CSPG5: variants seen among roughly 807,000 people sequenced by gnomAD.
CSPG5 encodes the protein acidic leucine-rich EGF-like domain-containing brain protein.
A neutral mutation model predicts 39.8 loss-of-function variants in CSPG5; 25 were observed. That is an observed-to-expected ratio of 0.63 (90% CI 0.46 to 0.88). The LOEUF is 0.88. Ranked by LOEUF, CSPG5 falls within the 40% of genes least tolerant of loss-of-function variation. CSPG5 has a pLI of 0.00. For missense variants in CSPG5, 627 were observed against 702.2 expected (o/e 0.89, Z 1.21); for synonymous variants, 295 against 303.9 (o/e 0.97, Z 0.31).
chr3:47,577,164 C>A lies in CSPG5; in HGVS notation c.862G>T (p.Ala288Ser). ...TCTTCTAGGTCTCCACCTCCTACTG[C>A]ATCTTTGTCATCCTCCTCTTCCTCC... ...EEEEEEDDKD[A>S]VGGGDLEDEN... Residue 288 changes from alanine (A) to serine (S), a missense_variant, in exon 2 of 5, where the codon GCA becomes TCA. Ala to Ser is a moderately conservative substitution (Grantham distance 99, BLOSUM62 1). Coordinates refer to ENST00000264723, the MANE Select transcript of CSPG5 (RefSeq NM_006574.4). This position sits in a 1 kb window ranked among gnomAD's most constrained non-coding sequence, Gnocchi z 4.7. The A allele has an allele frequency of 1.9e-6, 3 of 1,611,870 alleles. No homozygotes were observed. In the South Asian group the frequency reaches 3.3e-5, roughly 18 times the overall value.
At chr3:47,574,074 A>G (rs2031619910) in intron 2 of CSPG5, among the ~76,000 whole-genome samples, 1 of 152,138 alleles carries the variant, frequency 6.6e-6, no homozygotes, top group Non-Finnish European at 1.5e-5. Flanking sequence ...CAGCCAGGGG[A>G]GGAATCTGGT....
In CSPG5 at chr3:47,572,917, G is replaced by C. The variant is rs1163805387; in HGVS notation, c.1194-43C>G. The stretch of plus-strand genomic sequence containing the variant: ...AGAAACCGTGGCGATGGAGCAGGCA[G>C]CCACGGCCACAGTAAGGGCCTGGGC... On this transcript the variant is annotated intron_variant, in intron 2 of 4. Transcript: ENST00000264723. This position sits in a 1 kb window ranked among gnomAD's most constrained non-coding sequence, Gnocchi z 4.5. 6 of 1,574,732 alleles carry C rather than the reference G, an allele frequency of 3.8e-6. No individual in the cohort carries two copies. The Admixed American group carries it at 7.0e-5, about 18-fold the overall frequency.
chr3:47,562,649 C>T lies in CSPG5; in HGVS notation c.1571G>A (p.Gly524Asp), dbSNP rs779949815. The change falls in exon 5 of 5, where the codon GGT becomes GAT. Residue 524 changes from glycine (G) to aspartate (D), a missense_variant. By Grantham distance (94) the Gly-to-Asp change is moderately conservative. Transcript: ENST00000264723. ...SMSPKLEGGK[G>D]DQADLDVNCL... is the part of the protein sequence containing the mutation. ...GTTCACATCCAAGTCAGCCTGGTCA[C>T]CTTTGCCACCCTCAAGTTTGGGCGA... 2 of 1,613,940 alleles carry T rather than the reference C, an allele frequency of 1.2e-6. No individual in the cohort carries two copies. The highest frequency in any genetic ancestry group is 2.2e-5 in the South Asian group (2 of 91,070).
At chr3:47,567,001 A>C (rs2031327393) in intron 4 of CSPG5, among the ~76,000 whole-genome samples, 1 of 152,224 alleles carries the variant, frequency 6.6e-6, no homozygotes, top group African/African-American at 2.4e-5. Context: ...CAGGTACAAA[A>C]GCCTCACTTT....
At position 47,577,518 on chromosome 3, in the gene CSPG5, C is replaced by T. The variant is rs1195017552; in HGVS notation, c.508G>A (p.Glu170Lys). Residue 170 changes from glutamate to lysine, a missense_variant, in exon 2 of 5, where the codon GAG becomes AAG. Glu to Lys is a moderately conservative substitution (Grantham distance 56). Transcript: ENST00000264723. This position sits in a 1 kb window ranked among gnomAD's most constrained non-coding sequence, Gnocchi z 4.7. ...TTCAGCCAAACCTCCAAGGGGCTCT[C>T]CTTGGGGAGTTCAGAAGCTGGGCTC... ...KLSPASELPK[E>K]SPLEVWLNLG... The T allele has an allele frequency of 6.2e-7, 1 of 1,612,438 alleles. No individual in the cohort carries two copies. The highest frequency in any genetic ancestry group is 1.3e-5 in the African/African-American group (1 of 74,910).
Position 47,577,137 on chromosome 3 carries a change from C to T in CSPG5, c.889G>A (p.Glu297Lys), listed in dbSNP as rs2031778519. Residue 297 changes from glutamate to lysine, a missense_variant, in exon 2 of 5, where the codon GAA becomes AAA. By Grantham distance (56) the Glu-to-Lys change is moderately conservative. Transcript: ENST00000264723. The surrounding 1 kb of genome is among the most constrained non-coding windows in gnomAD (Gnocchi z 4.7). ...CCAGTGGGCACTAGAAGCTCATTTT[C>T]ATCTTCTAGGTCTCCACCTCCTACT... ...DAVGGGDLED[E>K]NELLVPTGKP... 2 of 1,613,796 alleles carry T rather than the reference C, an allele frequency of 1.2e-6. No homozygotes were observed. Among genetic ancestry groups the T allele is most frequent in the Non-Finnish European group, 1.7e-6 (2 of 1,179,974 alleles).
In CSPG5 at chr3:47,562,729, C is replaced by T. The variant is rs767034065; in HGVS notation, c.1491G>A (p.Glu497=). 2.2e-5 allele frequency: 36 copies of T among 1,613,680 alleles called. No individual in the cohort carries two copies. Among genetic ancestry groups the T allele is most frequent in the Non-Finnish European group, 3.1e-5 (36 of 1,179,944 alleles). ...DDPSAPHKIQ[E]VLKSCLKEEE... ...CCTCTTTCAGGCAGGACTTGAGAAC[C>T]TCCTGGATTTTGTGGGGAGCACTAG... Residue 497 remains glutamate, a synonymous_variant, in exon 5 of 5, where the codon GAG becomes GAA. Coordinates refer to ENST00000264723, the MANE Select transcript of CSPG5 (RefSeq NM_006574.4).
Position 47,578,122 on chromosome 3 carries a change from C to A in CSPG5, c.98-194G>T, listed in dbSNP as rs904011253. 4.7e-6 allele frequency: 4 copies of A among 853,746 alleles called. No homozygotes were observed. The highest frequency in any genetic ancestry group is 6.3e-6 in the Non-Finnish European group (4 of 637,488). 52.9% of individuals were successfully genotyped at this position (853,746 alleles called of 1,614,324 possible). The stretch of plus-strand genomic sequence containing the variant: ...CCCGTCCCGGAGTCTGCCCCCAAGA[C>A]GAGGATCACACCCCGCCCAACGCCT... On this transcript the variant is annotated intron_variant, in intron 1 of 4. Coordinates refer to ENST00000264723, the MANE Select transcript of CSPG5 (RefSeq NM_006574.4). The surrounding 1 kb of genome is among the most constrained non-coding windows in gnomAD (Gnocchi z 6.0).
At chr3:47,563,645 T>C (rs13093224) in intron 4 of CSPG5, among the ~76,000 whole-genome samples, 3 of 147,224 alleles carry the variant, frequency 2.0e-5, no homozygotes, top group Non-Finnish European at 3.0e-5. Context: ...ATCTTGAACC[T>C]CTTGGGTTCA....
At chr3:47,569,028 C>A in intron 4 of CSPG5, 124 bp downstream of exon 4, 2 of 1,433,588 alleles carry the variant, frequency 1.4e-6, no homozygotes, top group Non-Finnish European at 1.8e-6. Context: ...GGGCCAGGGG[C>A]CAAAGCATGC....
Position 47,578,222 on chromosome 3 carries a change from A to T in CSPG5, c.98-294T>A, listed in dbSNP as rs1030724403. Reference sequence around the variant, plus strand: ...GGGCGGCCCCCAGCTCGGCCCACCCATAAGTCTCACCCTCGGGAACCCACC... The same window carrying T: ...GGGCGGCCCCCAGCTCGGCCCACCCTTAAGTCTCACCCTCGGGAACCCACC... On this transcript the variant is annotated intron_variant, in intron 1 of 4. Coordinates refer to ENST00000264723, the MANE Select transcript of CSPG5 (RefSeq NM_006574.4). This position sits in a 1 kb window ranked among gnomAD's most constrained non-coding sequence, Gnocchi z 6.0. 3.2e-5 allele frequency: 11 copies of T among 340,486 alleles called. No homozygotes were observed. Among genetic ancestry groups the T allele is most frequent in the Non-Finnish European group, 5.6e-5 (11 of 197,608 alleles). The allele number at this position is 340,486 out of a possible 1,614,324, so 21.1% of individuals were successfully genotyped here.
At chr3:47,565,276 T>C (rs2031249536) in intron 4 of CSPG5, among the ~76,000 whole-genome samples, 1 of 152,092 alleles carries the variant, frequency 6.6e-6, no homozygotes. Context: ...AAGCAAGAGA[T>C]ATGCAAACAG....
intron 2 of CSPG5, among the ~76,000 whole-genome samples, chr3:47,573,778 T>C (rs971083405): frequency 6.6e-6 from 1 of 152,090 alleles, no homozygotes; most frequent in Non-Finnish European, 1.5e-5. Flanking sequence ...ACATCTAGAA[T>C]AGGGTGGGGA....
chr3:47,577,097 C>T lies in CSPG5; in HGVS notation c.929G>A (p.Gly310Glu). 1 of 1,613,816 alleles carries T rather than the reference C, an allele frequency of 6.2e-7. No individual in the cohort carries two copies. The highest frequency in any genetic ancestry group is 8.5e-7 in the Non-Finnish European group (1 of 1,180,032). Residue 310 changes from glycine to glutamate, a missense_variant, in exon 2 of 5, where the codon GGG becomes GAG. Coordinates refer to ENST00000264723, the MANE Select transcript of CSPG5 (RefSeq NM_006574.4). The surrounding 1 kb of genome is among the most constrained non-coding windows in gnomAD (Gnocchi z 4.7). ...LLVPTGKPGL[G>E]PGTGQPTSRW... Reference sequence around the variant, plus strand: ...ACTGGTGGGCTGGCCTGTCCCGGGCCCCAGACCAGGCTTCCCAGTGGGCAC... The same window carrying T: ...ACTGGTGGGCTGGCCTGTCCCGGGCTCCAGACCAGGCTTCCCAGTGGGCAC...
intron 2 of CSPG5, among the ~76,000 whole-genome samples, chr3:47,575,722 T>G (rs2031693981): frequency 6.6e-6 from 1 of 152,120 alleles, no homozygotes; most frequent in Non-Finnish European, 1.5e-5. Context: ...GTCCTCCCTT[T>G]TGAGTTTGCG....
intron 2 of CSPG5, among the ~76,000 whole-genome samples, chr3:47,575,418 G>A (rs539738860): frequency 3.9e-5 from 6 of 152,300 alleles, no homozygotes; most frequent in African/African-American, 1.2e-4. Flanking sequence ...GGATTCTTCC[G>A]GAATCAGGCT....
At chr3:47,579,239 C>A (rs902338119), upstream of CSPG5, 4 of 152,278 alleles carry the variant, frequency 2.6e-5, no homozygotes, top group Non-Finnish European at 4.4e-5. The surrounding 1 kb of genome is among the most constrained non-coding windows in gnomAD (Gnocchi z 4.2). Flanking sequence ...CCCGCAGGGT[C>A]GGGGCGGGGT....
chr3:47,566,035 A>G (rs1180859998), intron 4 of CSPG5, among the ~76,000 whole-genome samples: 5 of 152,246 alleles, frequency 3.3e-5, no homozygotes, highest in African/African-American at 1.2e-4. Context: ...GAGGAGGGAA[A>G]GAGGTGCCAC....
intron 4 of CSPG5, among the ~76,000 whole-genome samples, chr3:47,563,338 A>T (rs2031162767): frequency 6.6e-6 from 1 of 152,192 alleles, no homozygotes; most frequent in African/African-American, 2.4e-5. Context: ...TGAACCTGCT[A>T]AAAGATGCTA....
Sources: allele counts gnomAD v4.1 joint callset (sites outside exome capture counted in the v4.1 genomes callset), GRCh38; gene constraint gnomAD v4.1.1; non-coding constraint Gnocchi (gnomAD v3.1); transcripts MANE v1.5; gene names NCBI Gene and HGNC (gene_info 2026-07-23, HGNC 2026-07-21).